Variants in GPM6A observed in about 807,000 individuals in gnomAD.
GPM6A encodes the protein glycoprotein M6A.
A neutral mutation model predicts 32.1 loss-of-function variants in GPM6A; 7 were observed. That is an observed-to-expected ratio of 0.22 (90% CI 0.12 to 0.41). GPM6A has a LOEUF of 0.41. GPM6A is among the 10% of genes least tolerant of loss of function. The pLI is 1.00. For missense variants in GPM6A, 235 were observed against 347.2 expected, an observed-to-expected ratio of 0.68 and a Z score of 2.57; for synonymous variants, 130 against 123.4, an observed-to-expected ratio of 1.05 and a Z score of -0.35.
At chr4:175,656,400 T>G (rs1742087158) in intron 3 of GPM6A, among the ~76,000 whole-genome samples, 1 of 152,172 alleles carries the variant, frequency 6.6e-6, no homozygotes, top group South Asian at 2.1e-4. Flanking sequence ...TTTTACTCAG[T>G]ATAAATTTCT....
rs28684722 is a variant in GPM6A, at chr4:175,944,675, C to T, written c.-23+57634G>A. Reference sequence around the variant, plus strand: ...TCATAGGGCTGTATGAAGAAAATGACGGAGCAGAACACTCAAGTAAGAAAT... The same window carrying T: ...TCATAGGGCTGTATGAAGAAAATGATGGAGCAGAACACTCAAGTAAGAAAT... On this transcript the variant is annotated intron_variant, in intron 1 of 7. Transcript: ENST00000280187. Among the ~76,000 whole-genome samples, 839 of 152,280 alleles carry T rather than the reference C, an allele frequency of 5.5e-3. 12 individuals are homozygous for T. The highest frequency in any genetic ancestry group is 0.019 in the African/African-American group (788 of 41,556).
At chr4:175,779,761 T>C (rs929879949) in intron 1 of GPM6A, among the ~76,000 whole-genome samples, 3 of 152,190 alleles carry the variant, frequency 2.0e-5, no homozygotes, top group South Asian at 4.1e-4. Flanking sequence ...ACCCACCTGT[T>C]GGTAGCGTGA....
At chr4:175,831,354 G>A (rs1386199900) in intron 1 of GPM6A, among the ~76,000 whole-genome samples, 9 of 151,850 alleles carry the variant, frequency 5.9e-5, no homozygotes, top group Non-Finnish European at 1.0e-4. Context: ...TGACTTCTTC[G>A]GTACATTTTC....
At chr4:175,726,395 C>T (rs931100468) in intron 1 of GPM6A, among the ~76,000 whole-genome samples, 2 of 152,084 alleles carry the variant, frequency 1.3e-5, no homozygotes, top group African/African-American at 2.4e-5. Context: ...AGAAAAACTC[C>T]TAAGAATTGT....
intron 1 of GPM6A, among the ~76,000 whole-genome samples, chr4:175,996,573 A>C (rs1199317376): frequency 6.6e-6 from 1 of 152,326 alleles, no homozygotes; most frequent in Non-Finnish European, 1.5e-5. Flanking sequence ...AAAATAAGGA[A>C]GATTAGCTGA....
intron 1 of GPM6A, among the ~76,000 whole-genome samples, chr4:175,957,753 A>G (rs1008729297): frequency 4.0e-5 from 6 of 151,668 alleles, no homozygotes; most frequent in African/African-American, 1.2e-4. Context: ...AAAAATAAGT[A>G]AATAAAGACA....
At chr4:175,744,135 T>C (rs545552163) in intron 1 of GPM6A, among the ~76,000 whole-genome samples, 2 of 152,122 alleles carry the variant, frequency 1.3e-5, no homozygotes, top group Non-Finnish European at 1.5e-5. Flanking sequence ...AATAAACAAA[T>C]GTGAAAATGT....
In GPM6A at chr4:175,913,340, A is replaced by C. The variant is rs542894716; in HGVS notation, c.-23+88969T>G. On this transcript the variant is annotated intron_variant, in intron 1 of 7. Coordinates refer to the GPM6A transcript ENST00000280187. ...GTGTTTTAATACTTATATATGGAACAAGAATGCATCTATGTAAAGACACTG... is the reference window on the plus strand; with the variant it reads ...GTGTTTTAATACTTATATATGGAACCAGAATGCATCTATGTAAAGACACTG... 1.1e-4 allele frequency among the ~76,000 whole-genome samples: 16 copies of C among 152,364 alleles called. No individual in the cohort carries two copies. The South Asian group carries it at 2.7e-3, about 26-fold the overall frequency.
chr4:175,718,297 T>G (rs1221498485), intron 1 of GPM6A, among the ~76,000 whole-genome samples: 1 of 152,172 alleles, frequency 6.6e-6, no homozygotes, highest in Non-Finnish European at 1.5e-5. Flanking sequence ...CAAGTAAAAC[T>G]TTGTAAACTA....
At chr4:175,800,225 A>G (rs1177222356) in intron 1 of GPM6A, among the ~76,000 whole-genome samples, 2 of 152,186 alleles carry the variant, frequency 1.3e-5, no homozygotes, top group African/African-American at 4.8e-5. Flanking sequence ...AGAATGTGCA[A>G]AGTAAAAATA....
intron 1 of GPM6A, among the ~76,000 whole-genome samples, chr4:175,754,391 T>C (rs1310299939): frequency 6.6e-6 from 1 of 152,126 alleles, no homozygotes; most frequent in Non-Finnish European, 1.5e-5. Flanking sequence ...ATCCCAAAAG[T>C]AACTTCTCAG....
chr4:175,731,572 A>G (rs560078173), intron 1 of GPM6A, among the ~76,000 whole-genome samples: 4 of 152,350 alleles, frequency 2.6e-5, no homozygotes, highest in Admixed American at 2.6e-4. Context: ...CAGGCTCTAT[A>G]AATATTTGTG....
intron 1 of GPM6A, among the ~76,000 whole-genome samples, chr4:175,905,146 G>T (rs2111497237): frequency 6.6e-6 from 1 of 152,264 alleles, no homozygotes; most frequent in East Asian, 1.9e-4. Context: ...ACAGGATTAG[G>T]CTTTTAAGGG....
intron 1 of GPM6A, among the ~76,000 whole-genome samples, chr4:175,991,371 G>A (rs1033883092): frequency 3.3e-5 from 5 of 151,650 alleles, no homozygotes; most frequent in African/African-American, 1.2e-4. Flanking sequence ...CACTGCGCCT[G>A]GCCTAAATCT....
intron 1 of GPM6A, among the ~76,000 whole-genome samples, chr4:175,909,044 G>GA (rs371048115): frequency 1.0e-4 from 11 of 106,046 alleles, no homozygotes; most frequent in Middle Eastern, 5.5e-3. Context: ...AAAAAGGGCG[G>GA]GGGGGGGGCA....
intron 1 of GPM6A, among the ~76,000 whole-genome samples, chr4:175,767,095 T>A (rs1054224615): frequency 6.6e-6 from 1 of 152,208 alleles, no homozygotes; most frequent in African/African-American, 2.4e-5. Flanking sequence ...GCTCTTTCAC[T>A]TCTTCCATTT....
At chr4:175,886,954 A>C (rs1737479917) in intron 1 of GPM6A, among the ~76,000 whole-genome samples, 1 of 152,080 alleles carries the variant, frequency 6.6e-6, no homozygotes. Flanking sequence ...TATATATGCC[A>C]GGTAAATACT....
chr4:175,662,817 A>C (rs1469606906), intron 3 of GPM6A, among the ~76,000 whole-genome samples: 2 of 152,222 alleles, frequency 1.3e-5, no homozygotes, highest in East Asian at 3.9e-4. Context: ...TAGGGCACCC[A>C]AAATAGCAGC....
intron 1 of GPM6A, among the ~76,000 whole-genome samples, chr4:175,932,933 A>C (rs1739098425): frequency 6.6e-6 from 1 of 152,168 alleles, no homozygotes; most frequent in Non-Finnish European, 1.5e-5. Context: ...CCTACATGAA[A>C]TAAACAAGAG....
Sources: gnomAD v4.1 joint callset for allele counts (sites outside exome capture counted in the v4.1 genomes callset) on GRCh38, gnomAD v4.1.1 for gene constraint, MANE v1.5 for transcripts, NCBI Gene and HGNC (gene_info 2026-07-23, HGNC 2026-07-21) for gene names.